The following ARB2A variants were observed in gnomAD, a reference collection of about 807,000 sequenced individuals.
The protein encoded by ARB2A is cotranscriptional regulator ARB2A.
chr5:93,660,656 A>G, the ARB2A span, among the ~76,000 whole-genome samples: 1 of 152,136 alleles, frequency 6.6e-6, no homozygotes, highest in Admixed American at 6.6e-5. Flanking sequence ...CTTTAGATGA[A>G]GGGGAGCAAA....
At chr5:94,103,610 C>T in the ARB2A span, among the ~76,000 whole-genome samples, 1 of 151,836 alleles carries the variant, frequency 6.6e-6, no homozygotes, top group Non-Finnish European at 1.5e-5. Flanking sequence ...ACTAGACAGA[C>T]CATCAAGGCA....
At chr5:94,066,085 C>T in the ARB2A span, among the ~76,000 whole-genome samples, 1 of 152,042 alleles carries the variant, frequency 6.6e-6, no homozygotes, top group African/African-American at 2.4e-5. Flanking sequence ...ACTAAACTTG[C>T]TTCTGAATGA....
chr5:94,018,691 T>C, the ARB2A span, among the ~76,000 whole-genome samples: 1 of 152,126 alleles, frequency 6.6e-6, no homozygotes, highest in Non-Finnish European at 1.5e-5. Flanking sequence ...TAAGTTGTAT[T>C]CCTAGGTATT....
the ARB2A span, among the ~76,000 whole-genome samples, chr5:93,931,640 T>A: frequency 3.3e-5 from 5 of 152,262 alleles, no homozygotes; most frequent in East Asian, 7.7e-4. Flanking sequence ...ATTTAAGTAT[T>A]ACACACATAC....
chr5:94,063,048 A>G, the ARB2A span, among the ~76,000 whole-genome samples: 1 of 152,156 alleles, frequency 6.6e-6, no homozygotes, highest in Non-Finnish European at 1.5e-5. Flanking sequence ...CACCCTCCCT[A>G]GCATAGGGCG....
At chr5:93,688,447 A>G in the ARB2A span, among the ~76,000 whole-genome samples, 2 of 152,184 alleles carry the variant, frequency 1.3e-5, no homozygotes, top group African/African-American at 2.4e-5. Flanking sequence ...CGGACTAGCT[A>G]TTTATACAAT....
the ARB2A span, among the ~76,000 whole-genome samples, chr5:93,851,592 A>G: frequency 3.6e-4 from 55 of 152,250 alleles, no homozygotes; most frequent in East Asian, 0.01. Flanking sequence ...TCCTAAAGCT[A>G]TCCCTCCCCG....
chr5:93,636,043 A>G, the ARB2A span, among the ~76,000 whole-genome samples: 1 of 152,246 alleles, frequency 6.6e-6, no homozygotes, highest in East Asian at 1.9e-4. Context: ...GAGCCTACAG[A>G]AGATAATGAC....
At chr5:93,741,446 C>A in the ARB2A span, 2 of 1,613,482 alleles carry the variant, frequency 1.2e-6, no homozygotes, top group Non-Finnish European at 1.7e-6. Context: ...CTGCCAGGGG[C>A]CGCCTGGGTG....
the ARB2A span, among the ~76,000 whole-genome samples, chr5:94,007,939 TATTAC>T: frequency 1.3e-5 from 2 of 152,132 alleles, no homozygotes; most frequent in South Asian, 2.1e-4. Flanking sequence ...ACATGCAGAG[TATTAC>T]ATTACATTAC....
At chr5:93,636,640 C>T in the ARB2A span, among the ~76,000 whole-genome samples, 2 of 152,298 alleles carry the variant, frequency 1.3e-5, no homozygotes, top group East Asian at 3.9e-4. Context: ...TATAACCCAC[C>T]TAGTCTATCA....
chr5:93,958,066 C>T, the ARB2A span, among the ~76,000 whole-genome samples: 1 of 151,980 alleles, frequency 6.6e-6, no homozygotes, highest in Non-Finnish European at 1.5e-5. Context: ...AAAACAAAAG[C>T]AGTCAAACAT....
chr5:93,986,315 C>T, the ARB2A span, among the ~76,000 whole-genome samples: 1 of 151,496 alleles, frequency 6.6e-6, no homozygotes, highest in African/African-American at 2.4e-5. Flanking sequence ...GCCGCCCCAT[C>T]TGGGAGGTGG....
chr5:94,047,841 T>C, the ARB2A span, among the ~76,000 whole-genome samples: 2 of 152,140 alleles, frequency 1.3e-5, no homozygotes, highest in Non-Finnish European at 2.9e-5. Flanking sequence ...ATGATGCAGA[T>C]GCCAAAAAGG....
the ARB2A span, among the ~76,000 whole-genome samples, chr5:94,077,501 C>T: frequency 6.6e-6 from 1 of 152,160 alleles, no homozygotes; most frequent in Non-Finnish European, 1.5e-5. Context: ...TTTTTACCCT[C>T]CTGAGTTATT....
the ARB2A span, among the ~76,000 whole-genome samples, chr5:93,966,803 G>C: frequency 6.6e-6 from 1 of 152,028 alleles, no homozygotes; most frequent in Non-Finnish European, 1.5e-5. Flanking sequence ...CTCTGGACAT[G>C]ACTGAATATC....
chr5:93,892,238 A>G, the ARB2A span, among the ~76,000 whole-genome samples: 1 of 152,302 alleles, frequency 6.6e-6, no homozygotes, highest in South Asian at 2.1e-4. Context: ...AAGAGAGGCA[A>G]AGACTCAAAG....
chr5:93,841,540 T>C, the ARB2A span, among the ~76,000 whole-genome samples: 1 of 152,174 alleles, frequency 6.6e-6, no homozygotes, highest in African/African-American at 2.4e-5. Context: ...CAGTTCCCTA[T>C]GGATACTGAA....
chr5:93,741,829 G>C, the ARB2A span: 3 of 430,138 alleles, frequency 7.0e-6, no homozygotes, highest in East Asian at 1.0e-4. Flanking sequence ...TCTCCAAGCT[G>C]TCTGGAGTCC....
Sources: gnomAD v4.1 joint callset for allele counts (sites outside exome capture counted in the v4.1 genomes callset) on GRCh38, gnomAD v4.1.1 for gene constraint, MANE v1.5 for transcripts, NCBI Gene and HGNC (gene_info 2026-07-23, HGNC 2026-07-21) for gene names.